Variants in NEK1 observed in about 807,000 individuals in gnomAD.
NEK1 encodes the protein serine/threonine-protein kinase Nek1.
Under a neutral mutation model 182.1 loss-of-function variants are expected in NEK1, and 137 were observed. That is an observed-to-expected ratio of 0.75 (90% CI 0.65 to 0.87). The LOEUF is 0.87. Among genes scored for constraint, NEK1 ranks in the 40% least tolerant of loss-of-function variants. The pLI, the probability that NEK1 is intolerant of heterozygous loss-of-function variation, is 0.00. For synonymous variants in NEK1, 513 were observed against 492.2 expected (o/e 1.04, Z -0.56); for missense variants, 1,391 against 1,494.4 (o/e 0.93, Z 1.14).
intron 12 of NEK1, among the ~76,000 whole-genome samples, chr4:169,564,490 A>G (rs922631994): frequency 2.0e-5 from 3 of 152,134 alleles, no homozygotes; most frequent in Non-Finnish European, 4.4e-5. Context: ...ATGTAGAATG[A>G]CCATAACAGA....
At chr4:169,527,667 A>C (rs1457057411) in intron 19 of NEK1, among the ~76,000 whole-genome samples, 2 of 152,214 alleles carry the variant, frequency 1.3e-5, no homozygotes, top group Non-Finnish European at 2.9e-5. Flanking sequence ...AGAAAAATAT[A>C]GTCAAAATCA....
intron 27 of NEK1, among the ~76,000 whole-genome samples, chr4:169,453,614 C>T (rs1302103039): frequency 6.6e-6 from 1 of 152,226 alleles, no homozygotes; most frequent in East Asian, 1.9e-4. Flanking sequence ...ATTCTTAAGC[C>T]ACAAACAATA....
chr4:169,552,765 A>G (rs1337843789), intron 18 of NEK1, among the ~76,000 whole-genome samples: 1 of 152,176 alleles, frequency 6.6e-6, no homozygotes, highest in African/African-American at 2.4e-5. Context: ...TTAATAAACA[A>G]AAGTCAATTG....
chr4:169,495,939 G>A (rs1751172026), intron 23 of NEK1, among the ~76,000 whole-genome samples: 1 of 152,154 alleles, frequency 6.6e-6, no homozygotes, highest in African/African-American at 2.4e-5. Context: ...ATTCTGTGAA[G>A]AAAGTCATTG....
chr4:169,511,458 G>A (rs1754166926), intron 19 of NEK1, among the ~76,000 whole-genome samples: 1 of 151,994 alleles, frequency 6.6e-6, no homozygotes, highest in Non-Finnish European at 1.5e-5. Context: ...CATGATATTT[G>A]AGAAATGCAA....
chr4:169,576,518 C>T (rs1369022076), intron 12 of NEK1: 1 of 154,568 alleles, frequency 6.5e-6, no homozygotes, highest in African/African-American at 2.4e-5. Flanking sequence ...TGAAATATGA[C>T]AGAGTAGATT....
At chr4:169,438,959 AC>A (rs1240235769) in intron 27 of NEK1, among the ~76,000 whole-genome samples, 1 of 152,180 alleles carries the variant, frequency 6.6e-6, no homozygotes, top group East Asian at 1.9e-4. Flanking sequence ...TAAGTATTCC[AC>A]CCTCTAATCT....
chr4:169,459,596 T>C (rs1309801874), intron 27 of NEK1, among the ~76,000 whole-genome samples: 2 of 152,218 alleles, frequency 1.3e-5, no homozygotes, highest in South Asian at 2.1e-4. Flanking sequence ...ATCATCTTTA[T>C]TCATAATTGC....
At chr4:169,572,793 G>A (rs1224802777) in intron 12 of NEK1, among the ~76,000 whole-genome samples, 1 of 152,018 alleles carries the variant, frequency 6.6e-6, no homozygotes, top group Non-Finnish European at 1.5e-5. Flanking sequence ...TGAGGTCAAG[G>A]AAGAAGAAAA....
At chr4:169,449,272 C>T (rs938593166) in intron 27 of NEK1, among the ~76,000 whole-genome samples, 20 of 152,228 alleles carry the variant, frequency 1.3e-4, no homozygotes, top group African/African-American at 3.1e-4. Flanking sequence ...CAGACTTAAA[C>T]GACCCTGTCT....
intron 28 of NEK1, 115 bp downstream of exon 28, chr4:169,437,968 T>G: frequency 3.9e-6 from 3 of 767,280 alleles, no homozygotes. Flanking sequence ...ATACTGAACC[T>G]AATTTGAGAT....
intron 18 of NEK1, among the ~76,000 whole-genome samples, chr4:169,551,911 T>C (rs193184564): frequency 3.8e-4 from 58 of 152,138 alleles, no homozygotes; most frequent in Admixed American, 9.8e-4. Context: ...AGGACAATAA[T>C]AAGGTAGTTA....
chr4:169,434,163 G>A (rs1737944453), intron 28 of NEK1, among the ~76,000 whole-genome samples: 1 of 147,478 alleles, frequency 6.8e-6, no homozygotes, highest in Non-Finnish European at 1.5e-5. Context: ...GAACATAATT[G>A]AATGGCACTA....
intron 18 of NEK1, among the ~76,000 whole-genome samples, chr4:169,545,856 G>C (rs555210032): frequency 6.6e-6 from 1 of 152,164 alleles, no homozygotes; most frequent in African/African-American, 2.4e-5. Context: ...CTTCTTTTGA[G>C]AAGTGTCTGT....
chr4:169,555,473 C>T (rs747865187), intron 18 of NEK1: 86 of 452,628 alleles, frequency 1.9e-4, no homozygotes, highest in South Asian at 1.7e-3. Flanking sequence ...ATCACATGTT[C>T]CTTTAAATAG....
chr4:169,559,933 C>T (rs548341751), intron 16 of NEK1, among the ~76,000 whole-genome samples: 2 of 152,182 alleles, frequency 1.3e-5, no homozygotes, highest in South Asian at 2.1e-4. Flanking sequence ...CGCTTGAACC[C>T]GGGAGGCAGA....
At position 169,426,181 on chromosome 4, in the gene NEK1, G is replaced by C; in HGVS notation, c.2939C>G (p.Ser980Trp). 6.2e-7 allele frequency: 1 copy of C among 1,613,614 alleles called. No homozygotes were observed. Among genetic ancestry groups the C allele is most frequent in the Non-Finnish European group, 8.5e-7 (1 of 1,179,768 alleles). The change falls in exon 30 of 36, where the codon TCG becomes TGG. Residue 980 changes from serine to tryptophan, a missense_variant. Ser to Trp is a radical substitution (Grantham distance 177). Around this residue, in one of 5 missense-constraint regions of NEK1, gnomAD observed 1,216 missense variants for 1,277.6 expected, o/e 0.95. Transcript: ENST00000507142. ...GTCACTAAGTTGGTCCACAGTACTC[G>C]AGACTCCATCTTCAGAAACTTCATT... is the stretch of plus-strand genomic sequence containing the variant. ...QENEVSEDGV[S>W]STVDQLSDIH...
At chr4:169,587,794 A>T (rs994182050) in intron 8 of NEK1, among the ~76,000 whole-genome samples, 181 bp from the exon 9 acceptor site, 1 of 152,052 alleles carries the variant, frequency 6.6e-6, no homozygotes, top group Non-Finnish European at 1.5e-5. Flanking sequence ...GGAAAAAGAA[A>T]ATGGTTGCCC....
intron 12 of NEK1, among the ~76,000 whole-genome samples, chr4:169,568,612 T>C (rs1258546438): frequency 6.6e-6 from 1 of 152,140 alleles, no homozygotes; most frequent in Non-Finnish European, 1.5e-5. Context: ...TTCTGAGCTA[T>C]ATTAAAAATA....
Sources: gnomAD v4.1 joint callset for allele counts (sites outside exome capture counted in the v4.1 genomes callset) on GRCh38, gnomAD v4.1.1 for gene constraint, gnomAD v4.1.1 regional missense constraint, MANE v1.5 for transcripts, NCBI Gene and HGNC (gene_info 2026-07-23, HGNC 2026-07-21) for gene names.